Variants in NCOA3 observed in about 807,000 individuals in gnomAD.
NCOA3 encodes CBP-interacting protein.
NCOA3 carries 51 observed loss-of-function variants against 158.8 expected under a neutral mutation model. That is an observed-to-expected ratio of 0.32 (90% CI 0.26 to 0.41). The LOEUF (loss-of-function observed/expected upper bound fraction) is 0.41, where lower values mean the gene tolerates loss of function less well. Ranked by LOEUF, NCOA3 falls within the 10% of genes least tolerant of loss-of-function variation. The probability of loss-of-function intolerance (pLI) is 1.00; values close to 1 mark genes in which losing one functional copy is unlikely to be tolerated. For missense variants in NCOA3, 1,510 were observed against 1,746.6 expected (o/e 0.86, Z 2.41); for synonymous variants, 537 against 592.4 (o/e 0.91, Z 1.36).
chr20:47,635,581 A>G lies in NCOA3; in HGVS notation c.1372A>G (p.Asn458Asp). The G allele has an allele frequency of 3.1e-6, 5 of 1,614,146 alleles. No homozygotes were observed. The highest frequency in any genetic ancestry group is 4.2e-6 in the Non-Finnish European group (5 of 1,180,034). ...ATCACCATCTTCCTACCAGAACAAC[A>G]ACTATGGGCTCAACATGAGTAGCCC... ...MQSPSSYQNN[N>D]YGLNMSSPPH... is the part of the protein sequence containing the mutation. Residue 458 changes from asparagine to aspartate, a missense_variant, in exon 11 of 23, where the codon AAC becomes GAC. By Grantham distance (23) the Asn-to-Asp change is conservative (BLOSUM62 1). Around this residue, in one of 4 missense-constraint regions of NCOA3, gnomAD observed 1,017 missense variants for 1,098.3 expected, o/e 0.93. Coordinates refer to ENST00000371998, the MANE Select transcript of NCOA3 (RefSeq NM_181659.3).
intron 1 of NCOA3, among the ~76,000 whole-genome samples, chr20:47,511,560 T>TATATATATATACATACATATA: frequency 1.8e-4 from 1 of 5,518 alleles, no homozygotes. Flanking sequence ...TATATATTTC[T>TATATATATATACATACATATA]TTTTTTTTTT....
intron 1 of NCOA3, among the ~76,000 whole-genome samples, chr20:47,537,751 T>G (rs1331540189): frequency 1.3e-5 from 2 of 152,060 alleles, no homozygotes; most frequent in Admixed American, 1.3e-4. Context: ...GGCTAATTTT[T>G]TCTACTTTTA....
intron 14 of NCOA3, 136 bp from the exon 15 acceptor site, chr20:47,639,441 T>C (rs2086568382): frequency 8.1e-7 from 1 of 1,229,776 alleles, no homozygotes; most frequent in Non-Finnish European, 1.1e-6. Context: ...GTCTCCACAG[T>C]TGGCCAGCCC....
chr20:47,631,871 C>T (rs2086423775), intron 8 of NCOA3, among the ~76,000 whole-genome samples: 2 of 152,162 alleles, frequency 1.3e-5, no homozygotes, highest in South Asian at 4.1e-4. Context: ...ATATTCTGTA[C>T]AGCATTTGGG....
At chr20:47,527,227 TA>T (rs1222387582) in intron 1 of NCOA3, among the ~76,000 whole-genome samples, 1 of 152,176 alleles carries the variant, frequency 6.6e-6, no homozygotes, top group African/African-American at 2.4e-5. Flanking sequence ...CATTGTTGAG[TA>T]GACATCTTTG....
intron 1 of NCOA3, among the ~76,000 whole-genome samples, chr20:47,547,266 A>G (rs1384113623): frequency 2.0e-5 from 3 of 152,236 alleles, no homozygotes; most frequent in South Asian, 2.1e-4. Flanking sequence ...TGAAAGGGTG[A>G]CGTCCTAAAG....
chr20:47,515,741 A>G (rs747333348), intron 1 of NCOA3, among the ~76,000 whole-genome samples: 3 of 151,894 alleles, frequency 2.0e-5, no homozygotes, highest in Non-Finnish European at 4.4e-5. Flanking sequence ...CAGCTTCCCA[A>G]TGTGTTAGGA....
intron 16 of NCOA3, among the ~76,000 whole-genome samples, chr20:47,641,742 G>A (rs1017005934): frequency 6.6e-5 from 10 of 151,616 alleles, no homozygotes; most frequent in Non-Finnish European, 1.5e-4. Flanking sequence ...TGATCCGCCC[G>A]CCTCGGCCTC....
chr20:47,601,183 G>A (rs2146260342), intron 2 of NCOA3, among the ~76,000 whole-genome samples: 1 of 152,318 alleles, frequency 6.6e-6, no homozygotes, highest in East Asian at 1.9e-4. Flanking sequence ...AGGGGAAGCA[G>A]GCATGTGCAA....
At chr20:47,638,837 G>A (rs1360244330) in intron 13 of NCOA3, among the ~76,000 whole-genome samples, 171 bp from the exon 14 acceptor site, 1 of 151,492 alleles carries the variant, frequency 6.6e-6, no homozygotes, top group African/African-American at 2.4e-5. Flanking sequence ...GGGGGCGGGG[G>A]GTGGCGGTGG....
intron 19 of NCOA3, among the ~76,000 whole-genome samples, chr20:47,650,393 G>A (rs1008403350): frequency 4.6e-5 from 7 of 151,330 alleles, no homozygotes; most frequent in Non-Finnish European, 1.0e-4. Context: ...TGGGATTACA[G>A]GTGCTCATCA....
chr20:47,580,443 C>T (rs1602432607), intron 1 of NCOA3, among the ~76,000 whole-genome samples: 1 of 152,082 alleles, frequency 6.6e-6, no homozygotes, highest in East Asian at 1.9e-4. Flanking sequence ...GTAATCCCAG[C>T]TACTCGGGAG....
intron 1 of NCOA3, among the ~76,000 whole-genome samples, chr20:47,525,877 G>A (rs1287459472): frequency 2.9e-5 from 4 of 136,106 alleles, no homozygotes; most frequent in African/African-American, 1.1e-4. Context: ...GGGGCGGCTG[G>A]CCGGGCGGGG....
At chr20:47,580,840 C>G (rs2146217154) in intron 1 of NCOA3, among the ~76,000 whole-genome samples, 1 of 152,238 alleles carries the variant, frequency 6.6e-6, no homozygotes, top group African/African-American at 2.4e-5. Flanking sequence ...GTGGCTCACA[C>G]CTGTAATCCC....
Position 47,655,229 on chromosome 20 carries a change from G to A in NCOA3, c.*1812G>A, listed in dbSNP as rs2086854043. 6.6e-6 allele frequency: 1 copy of A among 152,120 alleles called. No homozygotes were observed. The highest frequency in any genetic ancestry group is 1.5e-5 in the Non-Finnish European group (1 of 68,024). The allele number at this position is 152,120 out of a possible 1,614,324, so 9.4% of individuals were successfully genotyped here. A position where few individuals can be genotyped will look rare whatever the true frequency, so the allele number is the denominator to read the frequency against. On this transcript the variant is annotated 3_prime_UTR_variant, in exon 23 of 23. Transcript: ENST00000371998. ...CTGTTTTAGTCAGTTGGGAGGAAGG[G>A]AAAAATCAAGTTTAATTCCCTTTAT...
intron 1 of NCOA3, among the ~76,000 whole-genome samples, chr20:47,535,583 C>T (rs2146116220): frequency 6.6e-6 from 1 of 151,992 alleles, no homozygotes; most frequent in African/African-American, 2.4e-5. Context: ...TCTCGGCTCA[C>T]TGCAGCCTCC....
chr20:47,573,042 T>C (rs1443968495), intron 1 of NCOA3, among the ~76,000 whole-genome samples: 1 of 152,212 alleles, frequency 6.6e-6, no homozygotes, highest in African/African-American at 2.4e-5. Context: ...TGATTAAGTT[T>C]ACCATCTTAT....
At chr20:47,536,357 A>G (rs2084632383) in intron 1 of NCOA3, among the ~76,000 whole-genome samples, 1 of 152,128 alleles carries the variant, frequency 6.6e-6, no homozygotes, top group South Asian at 2.1e-4. Context: ...TGGCCTCCCA[A>G]AGTGTTGGAA....
At chr20:47,523,065 A>G (rs935294472) in intron 1 of NCOA3, among the ~76,000 whole-genome samples, 2 of 151,718 alleles carry the variant, frequency 1.3e-5, no homozygotes, top group Non-Finnish European at 2.9e-5. Flanking sequence ...CTACACCTGT[A>G]GTCCCAGCTA....
Sources: gnomAD v4.1 joint callset for allele counts (sites outside exome capture counted in the v4.1 genomes callset) on GRCh38, gnomAD v4.1.1 for gene constraint, gnomAD v4.1.1 regional missense constraint, MANE v1.5 for transcripts, NCBI Gene and HGNC (gene_info 2026-07-23, HGNC 2026-07-21) for gene names.